The following DNAAF9 variants were observed in gnomAD, a reference collection of about 807,000 sequenced individuals.
The protein encoded by DNAAF9 is dynein axonemal assembly factor 9.
Under a neutral mutation model 167.0 loss-of-function variants are expected in DNAAF9, and 90 were observed. The observed-to-expected ratio is 0.54, with a 90% confidence interval of 0.45 to 0.64. DNAAF9 has a LOEUF of 0.64. Ranked by LOEUF, DNAAF9 falls within the 30% of genes least tolerant of loss-of-function variation. DNAAF9 has a pLI of 0.00. For missense variants in DNAAF9, 1,315 were observed against 1,442.2 expected (o/e 0.91, Z 1.43); for synonymous variants, 491 against 508.8 (o/e 0.96, Z 0.47).
intron 20 of DNAAF9, among the ~76,000 whole-genome samples, chr20:3,310,638 T>A (rs918562932): frequency 4.6e-5 from 7 of 151,678 alleles, no homozygotes; most frequent in African/African-American, 1.7e-4. Flanking sequence ...TGAGCTGAGA[T>A]TGCGCCACTG....
chr20:3,376,196 G>A lies in DNAAF9; in HGVS notation c.390C>T (p.His130=), dbSNP rs780596569. Residue 130 remains histidine (H), a synonymous_variant, in exon 4 of 37, where the codon CAC becomes CAT. Transcript: ENST00000252032. The stretch of plus-strand genomic sequence containing the variant: ...TTCTTACCTCATTTTCGGTCATGCA[G>A]TGGAAATGCAGATTTCTCCAATGTG... ...YVAHWRNLHF[H]CMTENEYEDE... is the part of the protein sequence containing the mutation. 5.6e-6 allele frequency: 9 copies of A among 1,613,660 alleles called. No individual in the cohort carries two copies. The highest frequency in any genetic ancestry group is 1.1e-5 in the South Asian group (1 of 91,016).
intron 30 of DNAAF9, among the ~76,000 whole-genome samples, chr20:3,267,257 A>C (rs1245922562): frequency 3.3e-5 from 5 of 152,180 alleles, no homozygotes; most frequent in Non-Finnish European, 5.9e-5. Context: ...AATTGTCCCA[A>C]ATTAGACTAG....
At chr20:3,362,170 A>G (rs2083372696) in intron 6 of DNAAF9, 7 of 1,427,050 alleles carry the variant, frequency 4.9e-6, no homozygotes, top group Admixed American at 1.8e-5. Context: ...AGGCCCAATT[A>G]TCATCCCTGT....
intron 10 of DNAAF9, 87 bp downstream of exon 10, chr20:3,340,417 G>C (rs2070054995): frequency 1.9e-6 from 2 of 1,046,712 alleles, no homozygotes; most frequent in Non-Finnish European, 2.8e-6. Context: ...ACTGGAAAAG[G>C]TTCTTTTTGT....
At chr20:3,312,803 T>C (rs145311768) in intron 20 of DNAAF9, among the ~76,000 whole-genome samples, 1 of 152,310 alleles carries the variant, frequency 6.6e-6, no homozygotes, top group East Asian at 1.9e-4. Context: ...AAAATGCTTA[T>C]CCACAGGAAG....
At chr20:3,379,650 C>A (rs950128469) in intron 3 of DNAAF9, among the ~76,000 whole-genome samples, 2 of 152,190 alleles carry the variant, frequency 1.3e-5, no homozygotes, top group African/African-American at 4.8e-5. Flanking sequence ...TTCCCCCTCT[C>A]ATATGAGATC....
Position 3,279,867 on chromosome 20 carries a change from T to C in DNAAF9, c.2613-918A>G, listed in dbSNP as rs2068736850. ...TTTTCTTCCCTGGCAATTGGGATGCTAGCTGAAGCCACTCTTCTGAATGGC... is the reference window on the plus strand; with the variant it reads ...TTTTCTTCCCTGGCAATTGGGATGCCAGCTGAAGCCACTCTTCTGAATGGC... On this transcript the variant is annotated intron_variant, in intron 28 of 36. Transcript: ENST00000252032. 2.0e-5 allele frequency among the ~76,000 whole-genome samples: 3 copies of C among 152,230 alleles called. No homozygotes were observed. The South Asian group carries it at 6.2e-4, about 31-fold the overall frequency.
chr20:3,255,873 G>A, intron 34 of DNAAF9, 133 bp downstream of exon 34: 1 of 665,794 alleles, frequency 1.5e-6, no homozygotes, highest in Non-Finnish European at 2.7e-6. Context: ...CCCTGCAAGT[G>A]CTGGCTGGGC....
At chr20:3,294,418 G>A (rs2069026121) in intron 24 of DNAAF9, 110 bp downstream of exon 24, 3 of 820,522 alleles carry the variant, frequency 3.7e-6, no homozygotes, top group Non-Finnish European at 6.1e-6. Flanking sequence ...ACATTTTACA[G>A]TGATCTCTAA....
intron 6 of DNAAF9, among the ~76,000 whole-genome samples, chr20:3,370,477 T>C (rs1466341062): frequency 1.3e-5 from 2 of 151,982 alleles, no homozygotes; most frequent in African/African-American, 4.8e-5. Context: ...TGGCATGATC[T>C]TGGCTCACTG....
rs776773466 is a variant in DNAAF9, at chr20:3,326,191, A to G, written c.1188+6T>C. On this transcript the variant is annotated splice_donor_region_variant and intron_variant, in intron 13 of 36. Transcript: ENST00000252032. ...TACAGAAAGGGAAACATGGTATTTA[A>G]ATTACCTTTGTTAGACTGGAAGTTT... The G allele has an allele frequency of 1.1e-5, 18 of 1,567,792 alleles. No homozygotes were observed. Among genetic ancestry groups the G allele is most frequent in the Non-Finnish European group, 7.9e-6 (9 of 1,138,528 alleles).
At chr20:3,382,895 CA>C (rs1442343433) in intron 1 of DNAAF9, among the ~76,000 whole-genome samples, 1 of 152,136 alleles carries the variant, frequency 6.6e-6, no homozygotes, top group Non-Finnish European at 1.5e-5. Context: ...CTGATCACCC[CA>C]CTTGTGGTCC....
At chr20:3,272,253 C>T (rs2068606094) in intron 29 of DNAAF9, among the ~76,000 whole-genome samples, 1 of 152,124 alleles carries the variant, frequency 6.6e-6, no homozygotes, top group South Asian at 2.1e-4. Context: ...GAATCAGGAA[C>T]CAAAGGAAGT....
intron 1 of DNAAF9, among the ~76,000 whole-genome samples, chr20:3,401,594 T>C (rs1356706243): frequency 0.013 from 1 of 80 alleles, no homozygotes; most frequent in Non-Finnish European, 0.023. Context: ...TCACCTGTAA[T>C]TATTATCTTT....
chr20:3,268,331 G>T (rs375778957), intron 30 of DNAAF9, among the ~76,000 whole-genome samples: 1 of 146,408 alleles, frequency 6.8e-6, no homozygotes, highest in African/African-American at 2.5e-5. Context: ...CACTGTGCCC[G>T]GCCCCTTTTT....
chr20:3,343,597 G>GCA, intron 9 of DNAAF9, 79 bp downstream of exon 9: 1 of 1,029,044 alleles, frequency 9.7e-7, no homozygotes, highest in Admixed American at 2.0e-5. Flanking sequence ...GAACTTGAAT[G>GCA]CACCCCCACA....
intron 27 of DNAAF9, among the ~76,000 whole-genome samples, chr20:3,283,634 G>A (rs1406670733): frequency 6.6e-6 from 1 of 152,236 alleles, no homozygotes; most frequent in Non-Finnish European, 1.5e-5. Context: ...CTGGTAAGCA[G>A]GGCTGGCGTG....
chr20:3,280,015 C>T (rs764604535), intron 28 of DNAAF9, among the ~76,000 whole-genome samples: 1 of 152,210 alleles, frequency 6.6e-6, no homozygotes, highest in Non-Finnish European at 1.5e-5. Context: ...GCCAGTCACA[C>T]ATCATTTGAA....
intron 20 of DNAAF9, among the ~76,000 whole-genome samples, chr20:3,310,818 T>C (rs2069402177): frequency 6.6e-6 from 1 of 152,062 alleles, no homozygotes; most frequent in Admixed American, 6.5e-5. Flanking sequence ...GGTTCACTAA[T>C]AATAAGAGAA....
Sources: allele counts gnomAD v4.1 joint callset (sites outside exome capture counted in the v4.1 genomes callset), GRCh38; gene constraint gnomAD v4.1.1; transcripts MANE v1.5; gene names NCBI Gene and HGNC (gene_info 2026-07-23, HGNC 2026-07-21).